The following CMTM4 variants were observed in gnomAD, a reference collection of about 807,000 sequenced individuals.
The protein encoded by CMTM4 is CKLF-like MARVEL transmembrane domain-containing protein 4.
A neutral mutation model predicts 19.0 loss-of-function variants in CMTM4; 8 were observed. That is an observed-to-expected ratio of 0.42 (90% CI 0.25 to 0.76). The LOEUF is 0.76. Ranked by LOEUF, CMTM4 falls within the 30% of genes least tolerant of loss-of-function variation. CMTM4 has a pLI of 0.27. For missense variants in CMTM4, 228 were observed against 290.2 expected (o/e 0.79, Z 1.56); for synonymous variants, 106 against 121.1 (o/e 0.88, Z 0.82).
rs2015568796 is a variant in CMTM4, at chr16:66,618,544, A to T, written c.*3514T>A. The T allele has an allele frequency of 2.0e-6, 2 of 985,338 alleles. No individual in the cohort carries two copies. Among genetic ancestry groups the T allele is most frequent in the Non-Finnish European group, 1.2e-6 (1 of 829,968 alleles). The allele number at this position is 985,338 out of a possible 1,614,324, so 61.0% of individuals were successfully genotyped here. On this transcript the variant is annotated 3_prime_UTR_variant, in exon 4 of 4. Coordinates refer to ENST00000394106, the MANE Select transcript of CMTM4 (RefSeq NM_181521.3). ...GGATAGGTGACGGGTTTCTCATGTG[A>T]ATCTACAAGAAAAGGTACGCCTGGG... is the stretch of plus-strand genomic sequence containing the variant.
the CMTM4 span, among the ~76,000 whole-genome samples, chr16:66,608,002 T>C: frequency 1.3e-5 from 2 of 152,090 alleles, no homozygotes; most frequent in Admixed American, 6.5e-5. This position sits in a 1 kb window ranked among gnomAD's most constrained non-coding sequence, Gnocchi z 5.1. Context: ...CACACCACCA[T>C]GCCCGGCTAA....
the CMTM4 span, among the ~76,000 whole-genome samples, chr16:66,600,136 G>GGTTTTTTTT: frequency 2.7e-4 from 36 of 135,146 alleles, 2 homozygotes; most frequent in African/African-American, 6.1e-4. Context: ...GTGTGTGTGT[G>GGTTTTTTTT]TTTTTTTTTG....
rs560170445 is a variant in CMTM4, at chr16:66,680,404, A to G, written c.186+15936T>C. ...TGAGGCCCGAGAATTGCTTGAACCC[A>G]GGAGGCAGAGGCTGCAGTGAGCCGA... is the stretch of plus-strand genomic sequence containing the variant. On this transcript the variant is annotated intron_variant, in intron 1 of 3. Coordinates refer to ENST00000394106, the MANE Select transcript of CMTM4 (RefSeq NM_181521.3). Among the ~76,000 whole-genome samples, 81 of 147,314 alleles carry G rather than the reference A, an allele frequency of 5.5e-4. 1 individual carries two copies. The highest frequency in any genetic ancestry group is 4.3e-3 in the South Asian group (20 of 4,628).
At chr16:66,626,605 C>CA (rs1208351534) in intron 2 of CMTM4, among the ~76,000 whole-genome samples, 226 of 145,588 alleles carry the variant, frequency 1.6e-3, no homozygotes, top group Middle Eastern at 6.9e-3. Flanking sequence ...GACTCCCTCT[C>CA]AAAAAAAAAA....
intron 1 of CMTM4, among the ~76,000 whole-genome samples, chr16:66,681,027 T>G (rs1344040001): frequency 1.3e-5 from 2 of 152,108 alleles, no homozygotes; most frequent in Non-Finnish European, 2.9e-5. Flanking sequence ...AACTGAAAAT[T>G]TTCTAATAGC....
the CMTM4 span, among the ~76,000 whole-genome samples, chr16:66,600,481 AT>A: frequency 1.3e-5 from 2 of 152,030 alleles, no homozygotes; most frequent in Non-Finnish European, 2.9e-5. Context: ...TGGGAACCAG[AT>A]TTCTCTCTGT....
At chr16:66,600,467 C>T in the CMTM4 span, among the ~76,000 whole-genome samples, 13 of 152,180 alleles carry the variant, frequency 8.5e-5, no homozygotes, top group Admixed American at 7.9e-4. Context: ...TTTAATAACA[C>T]CAATGGGAAC....
rs1218702653 is a variant in CMTM4 at position 66,622,109 on chromosome 16, C to T, written c.576G>A (p.Thr192=). Residue 192 remains threonine, a synonymous_variant, in exon 4 of 4, where the codon ACG becomes ACA. Transcript: ENST00000394106. This position sits in a 1 kb window ranked among gnomAD's most constrained non-coding sequence, Gnocchi z 4.0. The part of the protein sequence containing the change: ...QSTNDYIRAR[T]ESRDVDSRPE... ...GGCGACTGTCCACATCCCTGGACTC[C>T]GTGCGGGCTCGGATGTAGTCATTGG... is the stretch of plus-strand genomic sequence containing the variant. The T allele has an allele frequency of 4.4e-6, 7 of 1,598,838 alleles. No individual in the cohort carries two copies. The highest frequency in any genetic ancestry group is 3.5e-5 in the Admixed American group (2 of 57,622).
chr16:66,663,513 G>C, intron 1 of CMTM4, among the ~76,000 whole-genome samples: 1 of 114,148 alleles, frequency 8.8e-6, no homozygotes. Flanking sequence ...ACGTTCTATG[G>C]TTCTAAGATT....
intron 2 of CMTM4, 83 bp from the exon 3 acceptor site, chr16:66,623,585 G>A (rs1170623917): frequency 1.1e-6 from 1 of 923,034 alleles, no homozygotes; most frequent in Non-Finnish European, 1.6e-6. Flanking sequence ...TTCAAAATAA[G>A]ACCCACGATA....
At chr16:66,655,119 T>C (rs2144848130) in intron 1 of CMTM4, among the ~76,000 whole-genome samples, 1 of 152,110 alleles carries the variant, frequency 6.6e-6, no homozygotes, top group Non-Finnish European at 1.5e-5. Context: ...AAGCAGCTGG[T>C]ACCACAGGCA....
rs184902405 is a variant in CMTM4, at chr16:66,664,906, T to C, written c.187-28325A>G. 7.9e-5 allele frequency among the ~76,000 whole-genome samples: 12 copies of C among 151,900 alleles called. No individual in the cohort carries two copies. The East Asian group carries it at 1.6e-3, about 20-fold the overall frequency. On this transcript the variant is annotated intron_variant, in intron 1 of 3. Coordinates refer to ENST00000394106, the MANE Select transcript of CMTM4 (RefSeq NM_181521.3). ...ACTTTGGGAGGCCAAAGCAGGAGGA[T>C]TGCCTTGAGGCCAGGAGTTCAAGGC...
the CMTM4 span, among the ~76,000 whole-genome samples, chr16:66,609,126 TG>T: frequency 0.023 from 3,446 of 152,100 alleles, 54 homozygotes; most frequent in Middle Eastern, 0.065. This position sits in a 1 kb window ranked among gnomAD's most constrained non-coding sequence, Gnocchi z 4.4. Flanking sequence ...AGGGAGCAGG[TG>T]GGGGTGTTTC....
chr16:66,681,895 T>A (rs1390059869), intron 1 of CMTM4, among the ~76,000 whole-genome samples: 1 of 152,222 alleles, frequency 6.6e-6, no homozygotes. Context: ...ACCTGGGATA[T>A]TCCTTTGCCA....
chr16:66,621,042 G>A lies in CMTM4; in HGVS notation c.*1016C>T. 1.0e-6 allele frequency: 1 copy of A among 985,882 alleles called. No individual in the cohort carries two copies. Among genetic ancestry groups the A allele is most frequent in the African/African-American group, 1.7e-5 (1 of 57,364 alleles). The allele number at this position is 985,882 out of a possible 1,614,324, so 61.1% of individuals were successfully genotyped here. On this transcript the variant is annotated 3_prime_UTR_variant, in exon 4 of 4. Coordinates refer to ENST00000394106, the MANE Select transcript of CMTM4 (RefSeq NM_181521.3). ...AACATGGGTGGAAGGGTGTGTTCTG[G>A]TGCAAATTCAAGTATTTTCAAATCC... is the stretch of plus-strand genomic sequence containing the variant.
chr16:66,673,883 T>C (rs2016757402), intron 1 of CMTM4, among the ~76,000 whole-genome samples: 1 of 152,210 alleles, frequency 6.6e-6, no homozygotes, highest in Admixed American at 6.5e-5. Flanking sequence ...TGGTGGCCAG[T>C]CCTTGGTTAT....
At chr16:66,638,301 A>AAAACCCAC (rs2144814496) in intron 1 of CMTM4, among the ~76,000 whole-genome samples, 1 of 152,340 alleles carries the variant, frequency 6.6e-6, no homozygotes, top group African/African-American at 2.4e-5. Flanking sequence ...GAGCCATTAG[A>AAAACCCAC]AAACCCACAT....
chr16:66,678,411 T>C (rs922314228), intron 1 of CMTM4, among the ~76,000 whole-genome samples: 5 of 152,204 alleles, frequency 3.3e-5, no homozygotes, highest in Admixed American at 3.3e-4. Context: ...AGTCCCCATT[T>C]CAACATAAAT....
chr16:66,667,693 G>A (rs2016624423), intron 1 of CMTM4, among the ~76,000 whole-genome samples: 1 of 152,188 alleles, frequency 6.6e-6, no homozygotes, highest in African/African-American at 2.4e-5. Context: ...CTCAAGACCA[G>A]CCTGGTCAAC....
Sources: gnomAD v4.1 joint callset for allele counts (sites outside exome capture counted in the v4.1 genomes callset) on GRCh38, gnomAD v4.1.1 for gene constraint, Gnocchi (gnomAD v3.1) non-coding constraint, MANE v1.5 for transcripts, NCBI Gene and HGNC (gene_info 2026-07-23, HGNC 2026-07-21) for gene names.